The following EDNRA variants were observed in gnomAD, a reference collection of about 807,000 sequenced individuals.
The protein encoded by EDNRA is endothelin receptor type A.
Under a neutral mutation model 41.4 loss-of-function variants are expected in EDNRA, and 11 were observed. The ratio of observed to expected loss-of-function variants is 0.27; its 90% confidence interval spans 0.17 to 0.44. The LOEUF (loss-of-function observed/expected upper bound fraction) is 0.44. Among genes scored for constraint, EDNRA ranks in the 20% least tolerant of loss-of-function variants. EDNRA has a pLI of 1.00. For missense variants in EDNRA, 294 were observed against 531.0 expected (o/e 0.55, Z 4.39); for synonymous variants, 172 against 183.0 (o/e 0.94, Z 0.49).
intron 2 of EDNRA, among the ~76,000 whole-genome samples, chr4:147,500,499 T>G (rs1242762797): frequency 6.6e-6 from 1 of 152,198 alleles, no homozygotes; most frequent in East Asian, 1.9e-4. Context: ...CAGAGGCTCA[T>G]TTGAGCCCAT....
At chr4:147,525,390 G>A (rs1394355191) in intron 3 of EDNRA, among the ~76,000 whole-genome samples, 1 of 152,100 alleles carries the variant, frequency 6.6e-6, no homozygotes, top group Admixed American at 6.5e-5. Context: ...GACAAATCAG[G>A]AACTGAAGAA....
chr4:147,534,664 T>C (rs1578814419), intron 4 of EDNRA, among the ~76,000 whole-genome samples: 1 of 152,224 alleles, frequency 6.6e-6, no homozygotes, highest in African/African-American at 2.4e-5. Flanking sequence ...GTTCGGTAGT[T>C]ATTAGAACCA....
chr4:147,483,969 C>T (rs1006927752), intron 1 of EDNRA, among the ~76,000 whole-genome samples: 5 of 152,112 alleles, frequency 3.3e-5, no homozygotes, highest in African/African-American at 1.2e-4. Context: ...GATCCTCCTG[C>T]TTTGGCCTCC....
Position 147,486,901 on chromosome 4 carries a change from TAAA to T in EDNRA, c.420+814_420+816del, listed in dbSNP as rs10570878. ...TATTAGGCCATTTCTACATTGCTAT[TAAA>T]AAAAAAAAAAAAAGGCTGGGTAATT... On this transcript the variant is annotated intron_variant, in intron 2 of 7. Coordinates refer to ENST00000651419, the MANE Select transcript of EDNRA (RefSeq NM_001957.4). The surrounding 1 kb of genome is among the most constrained non-coding windows in gnomAD (Gnocchi z 4.3). Among the ~76,000 whole-genome samples, 136 of 139,744 alleles carry T rather than the reference TAAA, an allele frequency of 9.7e-4. No individual in the cohort carries two copies. The highest frequency in any genetic ancestry group is 1.2e-3 in the African/African-American group (48 of 39,208). 91.7% of individuals were successfully genotyped at this position (139,744 alleles called of 152,430 possible).
rs968185596 is a variant in EDNRA at position 147,503,497 on chromosome 4, C to A, written c.421-16354C>A. Among the ~76,000 whole-genome samples, 6 of 152,212 alleles carry A rather than the reference C, an allele frequency of 3.9e-5. No individual in the cohort carries two copies. In the South Asian group the frequency reaches 1.2e-3, roughly 32 times the overall value. Reference sequence around the variant, plus strand: ...ATGCTCAGCTGCCTCTGTATTGAACCATACTGATGCCTGCCACTATATTGT... The same window carrying A: ...ATGCTCAGCTGCCTCTGTATTGAACAATACTGATGCCTGCCACTATATTGT... On this transcript the variant is annotated intron_variant, in intron 2 of 7. Coordinates refer to ENST00000651419, the MANE Select transcript of EDNRA (RefSeq NM_001957.4).
rs1328142078 is a variant in EDNRA, at chr4:147,532,493, C to T, written c.549-13C>T. 1 of 1,613,428 alleles carries T rather than the reference C, an allele frequency of 6.2e-7. No individual in the cohort carries two copies. Among genetic ancestry groups the T allele is most frequent in the Non-Finnish European group, 8.5e-7 (1 of 1,179,526 alleles). On this transcript the variant is annotated splice_polypyrimidine_tract_variant and intron_variant, in intron 3 of 7. Coordinates refer to ENST00000651419, the MANE Select transcript of EDNRA (RefSeq NM_001957.4). ...ATTTCCTAACAACTTGGTTCCATTA[C>T]CCTTTTTTTCAGGTACAGAGCAGTT... is the stretch of plus-strand genomic sequence containing the variant.
rs1471333199 is a variant in EDNRA, at chr4:147,540,449, G to C, written c.1107G>C (p.Leu369=). Residue 369 remains leucine (L), a synonymous_variant, in exon 7 of 8, where the codon CTG becomes CTC. Transcript: ENST00000651419. The part of the protein sequence containing the change: ...TMNSCINPIA[L]YFVSKKFKNC... ...ATTCATGTATAAACCCCATAGCTCTGTATTTTGTGAGCAAGAAATTTAAAA... is the reference window on the plus strand; with the variant it reads ...ATTCATGTATAAACCCCATAGCTCTCTATTTTGTGAGCAAGAAATTTAAAA... 1 of 1,612,362 alleles carries C rather than the reference G, an allele frequency of 6.2e-7. No homozygotes were observed. Among genetic ancestry groups the C allele is most frequent in the African/African-American group, 1.3e-5 (1 of 74,822 alleles).
At chr4:147,527,499 A>C (rs571827274) in intron 3 of EDNRA, among the ~76,000 whole-genome samples, 1 of 152,234 alleles carries the variant, frequency 6.6e-6, no homozygotes, top group Non-Finnish European at 1.5e-5. Context: ...TATTCAAACT[A>C]TGCCTGTGAG....
intron 2 of EDNRA, among the ~76,000 whole-genome samples, chr4:147,501,100 A>C (rs1213900499): frequency 6.6e-6 from 1 of 152,196 alleles, no homozygotes; most frequent in Non-Finnish European, 1.5e-5. Flanking sequence ...ATAAACATTT[A>C]GTTTATTTGT....
intron 2 of EDNRA, chr4:147,506,176 G>A: frequency 1.9e-6 from 1 of 527,316 alleles, no homozygotes; most frequent in South Asian, 1.4e-5. Flanking sequence ...ACTCAAGGAA[G>A]GACTGAGGTG....
intron 3 of EDNRA, among the ~76,000 whole-genome samples, chr4:147,525,304 T>C (rs1275508060): frequency 6.6e-6 from 1 of 152,242 alleles, no homozygotes; most frequent in East Asian, 1.9e-4. Context: ...ATTTCAACTA[T>C]GGACTTGTCT....
At chr4:147,512,903 T>C (rs1423575931) in intron 2 of EDNRA, among the ~76,000 whole-genome samples, 1 of 151,990 alleles carries the variant, frequency 6.6e-6, no homozygotes, top group Middle Eastern at 3.4e-3. Context: ...ACCATAACCA[T>C]GAACCATCAA....
At chr4:147,492,184 T>G (rs1729159599) in intron 2 of EDNRA, 1 of 152,232 alleles carries the variant, frequency 6.6e-6, no homozygotes, top group South Asian at 2.1e-4. Context: ...TAAAACATAC[T>G]CTATTGTATT....
intron 2 of EDNRA, among the ~76,000 whole-genome samples, chr4:147,498,656 C>T (rs1047434106): frequency 4.6e-5 from 7 of 152,188 alleles, no homozygotes; most frequent in African/African-American, 1.7e-4. Context: ...CTGGTGGCAT[C>T]TCACCAACTG....
intron 2 of EDNRA, among the ~76,000 whole-genome samples, chr4:147,514,807 AC>A (rs1293739153): frequency 6.6e-6 from 1 of 152,040 alleles, no homozygotes; most frequent in African/African-American, 2.4e-5. Context: ...TATATTTTAT[AC>A]CTTTTTCTGC....
chr4:147,524,064 A>G (rs2126457426), intron 3 of EDNRA, among the ~76,000 whole-genome samples: 1 of 152,228 alleles, frequency 6.6e-6, no homozygotes, highest in Middle Eastern at 3.4e-3. Context: ...GACCCTTCTG[A>G]ACTTTAAAAG....
intron 2 of EDNRA, among the ~76,000 whole-genome samples, chr4:147,507,895 T>C (rs1729777010): frequency 1.3e-5 from 2 of 152,352 alleles, no homozygotes; most frequent in African/African-American, 2.4e-5. Context: ...ATTTCCTTAA[T>C]GGCTAAGGAT....
intron 3 of EDNRA, among the ~76,000 whole-genome samples, chr4:147,521,914 C>T (rs986433398): frequency 2.0e-5 from 3 of 152,112 alleles, no homozygotes; most frequent in Non-Finnish European, 4.4e-5. Flanking sequence ...CTCTGTCACC[C>T]GGACTAGAAT....
intron 2 of EDNRA, among the ~76,000 whole-genome samples, chr4:147,501,752 G>A (rs1244642779): frequency 2.0e-5 from 3 of 152,150 alleles, no homozygotes; most frequent in African/African-American, 7.2e-5. Context: ...TTGTGGGAGA[G>A]TGCCATAGGT....
Sources: allele counts gnomAD v4.1 joint callset (sites outside exome capture counted in the v4.1 genomes callset), GRCh38; gene constraint gnomAD v4.1.1; non-coding constraint Gnocchi (gnomAD v3.1); transcripts MANE v1.5; gene names NCBI Gene and HGNC (gene_info 2026-07-23, HGNC 2026-07-21).